FAM186A: variants seen among roughly 807,000 people sequenced by gnomAD.
FAM186A encodes the protein protein FAM186A.
Under a neutral mutation model 216.8 loss-of-function variants are expected in FAM186A, and 163 were observed. The observed-to-expected ratio is 0.75, with a 90% CI of 0.66 to 0.86. The LOEUF is 0.86. Among genes scored for constraint, FAM186A ranks in the 40% least tolerant of loss-of-function variants. The pLI is 0.00. For missense variants in FAM186A, 2,184 were observed against 2,746.2 expected, an observed-to-expected ratio of 0.80 and a Z score of 4.58; for synonymous variants, 805 against 1,025.3, an observed-to-expected ratio of 0.79 and a Z score of 4.10.
chr12:50,336,145 TAAA>T (rs1297865131), intron 4 of FAM186A, among the ~76,000 whole-genome samples: 1 of 144,934 alleles, frequency 6.9e-6, no homozygotes, highest in Non-Finnish European at 1.5e-5. Flanking sequence ...AAAAGAGTAA[TAAA>T]GAAGGCTTTA....
intron 1 of FAM186A, among the ~76,000 whole-genome samples, chr12:50,387,531 G>A (rs933050952): frequency 3.9e-5 from 6 of 152,172 alleles, no homozygotes; most frequent in African/African-American, 1.4e-4. Context: ...AAGACCGGCT[G>A]GTGGTGGATG....
At chr12:50,349,119 A>G (rs1001297566) in intron 4 of FAM186A, among the ~76,000 whole-genome samples, 2 of 151,872 alleles carry the variant, frequency 1.3e-5, no homozygotes, top group African/African-American at 4.8e-5. Flanking sequence ...CAAATGCTAA[A>G]TCTTATTCAT....
chr12:50,349,126 TC>T (rs1446547477), intron 4 of FAM186A, among the ~76,000 whole-genome samples: 4 of 152,120 alleles, frequency 2.6e-5, no homozygotes, highest in African/African-American at 7.2e-5. Context: ...TAAATCTTAT[TC>T]ATTCTTTCTA....
chr12:50,353,747 A>C lies in FAM186A; in HGVS notation c.3085T>G (p.Phe1029Val). The C allele has an allele frequency of 3.2e-6, 5 of 1,549,848 alleles. No individual in the cohort carries two copies. The highest frequency in any genetic ancestry group is 4.4e-6 in the Non-Finnish European group (5 of 1,146,524). ...TCTAATGTCTTCAGATTCCTCTGAA[A>C]CTCTTTTCCTTCATATGACCGCTGT... ...DVQRSYEGKE[F>V]QRNLKTLENL... The change falls in exon 4 of 8, where the codon TTT becomes GTT. Residue 1029 changes from phenylalanine (F) to valine (V), a missense_variant. Physicochemically the swap from Phe to Val is conservative, Grantham distance 50. Coordinates refer to ENST00000327337, the MANE Select transcript of FAM186A (RefSeq NM_001145475.3).
Position 50,351,527 on chromosome 12 carries a change from G to C in FAM186A, c.5305C>G (p.Gln1769Glu). ...PLQISRVPLN[Q>E]GPFAPGKPLE... ...GGCTTCCCAGGGGCAAAGGGGCCTT[G>C]GTTGAGGGGAACCCTTGATATCTGC... The change falls in exon 4 of 8, where the codon CAA (glutamine) becomes GAA (glutamate). Residue 1769 changes from glutamine (Q) to glutamate (E), a missense_variant. Around this residue, in one of 7 missense-constraint regions of FAM186A, gnomAD observed 721 missense variants for 816.4 expected, o/e 0.88. Transcript: ENST00000327337. The C allele has an allele frequency of 6.6e-7, 1 of 1,520,570 alleles. No homozygotes were observed. The highest frequency in any genetic ancestry group is 8.8e-7 in the Non-Finnish European group (1 of 1,133,830). 94.2% of individuals were successfully genotyped at this position (1,520,570 alleles called of 1,614,324 possible). A position where few individuals can be genotyped will look rare whatever the true frequency, so the allele number is the denominator to read the frequency against.
chr12:50,331,139 TAAGA>T (rs1276475751), intron 6 of FAM186A, among the ~76,000 whole-genome samples: 1 of 152,166 alleles, frequency 6.6e-6, no homozygotes, highest in Non-Finnish European at 1.5e-5. Flanking sequence ...TGTTTTTTAG[TAAGA>T]AAGAATCAGC....
At chr12:50,383,078 A>G in intron 1 of FAM186A, among the ~76,000 whole-genome samples, 1 of 151,018 alleles carries the variant, frequency 6.6e-6, no homozygotes, top group East Asian at 2.0e-4. Context: ...AACAACAACA[A>G]CAACAACAAA....
chr12:50,360,851 G>T lies in FAM186A; in HGVS notation c.488C>A (p.Pro163Gln), dbSNP rs368820710. 6.4e-7 allele frequency: 1 copy of T among 1,550,858 alleles called. No individual in the cohort carries two copies. Among genetic ancestry groups the T allele is most frequent in the East Asian group, 2.4e-5 (1 of 40,890 alleles). Residue 163 changes from proline to glutamine, a missense_variant, in exon 3 of 8, where the codon CCG (proline) becomes CAG (glutamine). Pro to Gln is a moderately conservative substitution (Grantham distance 76). Transcript: ENST00000327337. ...HHWIAQMELLPDTLKAIENNV... is the reference protein window; with the variant it reads ...HHWIAQMELLQDTLKAIENNV... The stretch of plus-strand genomic sequence containing the variant: ...GTTCTCAATAGCTTTTAACGTGTCC[G>T]GTAACAACTCCATTTGTGCTATCCA...
Position 50,379,449 on chromosome 12 carries a change from A to G in FAM186A, c.193-16085T>C, listed in dbSNP as rs866142325. Among the ~76,000 whole-genome samples the G allele has an allele frequency of 3.8e-5, 5 of 131,994 alleles. No individual in the cohort carries two copies. In the South Asian group the frequency reaches 7.5e-4, roughly 20 times the overall value. 86.6% of individuals were successfully genotyped at this position (131,994 alleles called of 152,430 possible). On this transcript the variant is annotated intron_variant, in intron 1 of 7. Transcript: ENST00000327337. Reference sequence around the variant, plus strand: ...AGCGAGACTCCCTCTCAAAAAAAAAAAGAAAGAAAAAAAGAGGGAAAAACA... The same window carrying G: ...AGCGAGACTCCCTCTCAAAAAAAAAGAGAAAGAAAAAAAGAGGGAAAAACA...
At chr12:50,370,123 C>CA (rs56403101) in intron 1 of FAM186A, among the ~76,000 whole-genome samples, 23,460 of 38,256 alleles carry the variant, frequency 0.61, 7,947 homozygotes, top group East Asian at 0.77. Context: ...GACTCCATCT[C>CA]AAAAAAAAAA....
In FAM186A at chr12:50,356,005, T is replaced by C; in HGVS notation, c.827A>G (p.Asn276Ser). ...VNLSTALSML[N>S]DELKCVNFQS... ...GAAGTTAACACATTTTAATTCATCA[T>C]TTAGCATACTCAAAGCTGTAGAAAG... The change falls in exon 4 of 8, where the codon AAT becomes AGT. Residue 276 changes from asparagine to serine, a missense_variant. Coordinates refer to ENST00000327337, the MANE Select transcript of FAM186A (RefSeq NM_001145475.3). The C allele has an allele frequency of 4.5e-6, 7 of 1,551,666 alleles. No homozygotes were observed. The highest frequency in any genetic ancestry group is 6.1e-6 in the Non-Finnish European group (7 of 1,146,984).
intron 1 of FAM186A, among the ~76,000 whole-genome samples, chr12:50,386,290 CT>C (rs1214570933): frequency 4.6e-5 from 7 of 151,640 alleles, no homozygotes; most frequent in African/African-American, 1.7e-4. Context: ...TTAGCCAAAC[CT>C]GGTGGCACCC....
intron 7 of FAM186A, 75 bp downstream of exon 7, chr12:50,330,498 G>A: frequency 6.9e-7 from 1 of 1,456,454 alleles, no homozygotes; most frequent in Non-Finnish European, 9.3e-7. Flanking sequence ...TGCTACAGGA[G>A]AAAGTCAAGT....
chr12:50,331,565 T>G, intron 6 of FAM186A, 105 bp downstream of exon 6: 6 of 1,132,662 alleles, frequency 5.3e-6, no homozygotes, highest in Non-Finnish European at 7.5e-6. Flanking sequence ...GACTCTCCAT[T>G]GCACCATTTG....
intron 1 of FAM186A, among the ~76,000 whole-genome samples, chr12:50,364,171 G>T (rs1039025664): frequency 6.6e-6 from 1 of 152,026 alleles, no homozygotes; most frequent in Non-Finnish European, 1.5e-5. Context: ...CTCAAATCCT[G>T]TGTGACTTTT....
Position 50,353,693 on chromosome 12 carries a change from A to G in FAM186A, c.3139T>C (p.Ser1047Pro), listed in dbSNP as rs1942937840. 1 of 1,538,868 alleles carries G rather than the reference A, an allele frequency of 6.5e-7. No homozygotes were observed. The highest frequency in any genetic ancestry group is 1.2e-5 in the South Asian group (1 of 81,588). ...TGTAGGGAGGGGGGAGGTGTGATTG[A>G]TATGGGCTCCTTTTCATCAGGAAGG... ...ENLPDEKEPI[S>P]ITPPPSLQYS... The change falls in exon 4 of 8, where the codon TCA (serine) becomes CCA (proline). Residue 1047 changes from serine to proline, a missense_variant. By Grantham distance (74) the Ser-to-Pro change is moderately conservative. This residue lies in a region of FAM186A where 1,132 missense variants were observed against 1,263.4 expected (regional missense o/e 0.90). Transcript: ENST00000327337.
At chr12:50,361,656 T>C (rs1943036898) in intron 2 of FAM186A, among the ~76,000 whole-genome samples, 1 of 143,684 alleles carries the variant, frequency 7.0e-6, no homozygotes, top group African/African-American at 2.6e-5. Context: ...GTGCAACCTC[T>C]ACCTCCCAGG....
At chr12:50,332,569 A>G (rs975501090) in intron 5 of FAM186A, among the ~76,000 whole-genome samples, 2 of 152,158 alleles carry the variant, frequency 1.3e-5, no homozygotes, top group Admixed American at 6.6e-5. Flanking sequence ...CCCTGGCCCC[A>G]GACCCTTATT....
Position 50,361,863 on chromosome 12 carries a change from G to A in FAM186A, c.413-937C>T, listed in dbSNP as rs150915111. ...TGGGATTACCAGCATGAGCCACCGC[G>A]CCCGGCCATTATCCAGTATTTCTAA... On this transcript the variant is annotated intron_variant, in intron 2 of 7. Coordinates refer to ENST00000327337, the MANE Select transcript of FAM186A (RefSeq NM_001145475.3). Among the ~76,000 whole-genome samples, 865 of 150,788 alleles carry A rather than the reference G, an allele frequency of 5.7e-3. 6 individuals carry two copies. Among genetic ancestry groups the A allele is most frequent in the African/African-American group, 0.02 (840 of 41,014 alleles).
Sources: allele counts gnomAD v4.1 joint callset (sites outside exome capture counted in the v4.1 genomes callset), GRCh38; gene constraint gnomAD v4.1.1; regional missense constraint gnomAD v4.1.1; transcripts MANE v1.5; gene names NCBI Gene and HGNC (gene_info 2026-07-23, HGNC 2026-07-21).